The following CAND2 variants were observed in gnomAD, a reference collection of about 807,000 sequenced individuals.
The protein encoded by CAND2 is cullin-associated NEDD8-dissociated protein 2.
In CAND2, 62 loss-of-function variants were observed where a neutral mutation model predicts 98.9. That is an observed-to-expected ratio of 0.63 (90% CI 0.51 to 0.77). CAND2 has a LOEUF of 0.77. Ranked by LOEUF, CAND2 falls within the 30% of genes least tolerant of loss-of-function variation. The pLI is 0.00. For missense variants in CAND2, 1,501 were observed against 1,655.2 expected (o/e 0.91, Z 1.62); for synonymous variants, 770 against 731.9 (o/e 1.05, Z -0.84).
intron 4 of CAND2, among the ~76,000 whole-genome samples, chr3:12,808,746 G>C (rs1467796696): frequency 6.6e-6 from 1 of 152,186 alleles, no homozygotes; most frequent in Non-Finnish European, 1.5e-5. Context: ...TTCTAAAAGA[G>C]AGTGCTGCTA....
chr3:12,826,093 G>A (rs931103768), intron 12 of CAND2, among the ~76,000 whole-genome samples: 1 of 152,212 alleles, frequency 6.6e-6, no homozygotes, highest in African/African-American at 2.4e-5. Context: ...ATTACAGACA[G>A]CCCCCGCCTT....
chr3:12,821,916 ACT>A lies in CAND2; in HGVS notation c.3040+1738_3040+1739del, dbSNP rs768387549. The stretch of plus-strand genomic sequence containing the variant: ...CATGGTTTCTCTCCACTCTAAAATT[ACT>A]CTTTTTTTCCTTTGGAATGAATATG... On this transcript the variant is annotated intron_variant, in intron 11 of 14. Transcript: ENST00000456430. Among the ~76,000 whole-genome samples, 20 of 151,554 alleles carry A rather than the reference ACT, an allele frequency of 1.3e-4. 1 individual carries two copies. Among genetic ancestry groups the A allele is most frequent in the Admixed American group, 6.6e-4 (10 of 15,234 alleles).
At chr3:12,831,934 CCT>C (rs1044818255) in intron 14 of CAND2, among the ~76,000 whole-genome samples, 3 of 152,148 alleles carry the variant, frequency 2.0e-5, no homozygotes, top group African/African-American at 4.8e-5. Flanking sequence ...TCTCTCACCT[CCT>C]TGTTGGGAAG....
intron 1 of CAND2, among the ~76,000 whole-genome samples, chr3:12,801,876 G>T (rs1387141764): frequency 6.6e-6 from 1 of 152,334 alleles, no homozygotes; most frequent in African/African-American, 2.4e-5. Flanking sequence ...AAGCGCTGCT[G>T]GTGATTCTGA....
intron 4 of CAND2, among the ~76,000 whole-genome samples, chr3:12,809,395 A>AAG (rs1462452011): frequency 1.3e-5 from 2 of 152,190 alleles, no homozygotes; most frequent in African/African-American, 4.8e-5. Flanking sequence ...GAACAGGCAA[A>AAG]CAAATGAAAC....
intron 5 of CAND2, 131 bp downstream of exon 5, chr3:12,810,455 A>T: frequency 3.3e-6 from 1 of 304,642 alleles, no homozygotes; most frequent in Non-Finnish European, 4.6e-6. Flanking sequence ...CTGCCTTGGT[A>T]GGGAGGATGG....
intron 2 of CAND2, chr3:12,807,014 G>T (rs566795119): frequency 3.4e-6 from 1 of 295,160 alleles, no homozygotes; most frequent in Non-Finnish European, 6.3e-6. Flanking sequence ...GTTTAAACAA[G>T]CCCGCCAGGG....
At chr3:12,809,914 A>T in intron 4 of CAND2, 145 bp from the exon 5 acceptor site, 1 of 835,548 alleles carries the variant, frequency 1.2e-6, no homozygotes, top group South Asian at 2.4e-5. Flanking sequence ...ATTCCTCCTC[A>T]CAGTTGCAGG....
Position 12,825,475 on chromosome 3 carries a change from TTCATGGAG to T in CAND2, c.3047_3054del (p.Phe1016Ter), listed in dbSNP as rs1332585695. 1 of 1,553,592 alleles carries T rather than the reference TTCATGGAG, an allele frequency of 6.4e-7. No individual in the cohort carries two copies. Among genetic ancestry groups the T allele is most frequent in the South Asian group, 1.2e-5 (1 of 84,184 alleles). On this transcript the variant is annotated frameshift_variant, in exon 12 of 15. Transcript: ENST00000456430. LOFTEE classifies it high-confidence loss of function. ...CCCTCATGTTCTTCTGCCAGGAGAG[TTCATGGAG>T]AGCCTGCAGGACCCAGACCTGAACG... is the stretch of plus-strand genomic sequence containing the variant.
intron 1 of CAND2, among the ~76,000 whole-genome samples, chr3:12,799,014 C>G (rs9809596): frequency 0.55 from 82,896 of 151,960 alleles, 23,300 homozygotes; most frequent in African/African-American, 0.64. Context: ...AGGAGGTGCC[C>G]CATTACCACG....
chr3:12,812,907 G>A (rs1173031313), intron 5 of CAND2, 83 bp from the exon 6 acceptor site: 3 of 819,808 alleles, frequency 3.7e-6, no homozygotes, highest in Non-Finnish European at 6.1e-6. Flanking sequence ...GGCTGCAGGT[G>A]CATAGACAGT....
intron 13 of CAND2, among the ~76,000 whole-genome samples, chr3:12,829,745 G>A (rs1295673812): frequency 6.6e-6 from 1 of 152,186 alleles, no homozygotes; most frequent in Admixed American, 6.5e-5. Context: ...TCTCAAAGCT[G>A]TGGAGATGAG....
In CAND2 at chr3:12,815,656, C is replaced by T. The variant is rs998870481; in HGVS notation, c.1300-211C>T. Among the ~76,000 whole-genome samples, 7 of 152,146 alleles carry T rather than the reference C, an allele frequency of 4.6e-5. No individual in the cohort carries two copies. Among genetic ancestry groups the T allele is most frequent in the East Asian group, 1.9e-4 (1 of 5,194 alleles). On this transcript the variant is annotated intron_variant, in intron 8 of 14. Transcript: ENST00000456430. This position sits in a 1 kb window ranked among gnomAD's most constrained non-coding sequence, Gnocchi z 5.7. ...GAGCAAGTTGCTTGGTCTCTCTGTA[C>T]CTGTAAAATGGACGCAGAAAATTTG...
At chr3:12,828,601 C>T (rs919273030) in intron 13 of CAND2, among the ~76,000 whole-genome samples, 2 of 152,130 alleles carry the variant, frequency 1.3e-5, no homozygotes, top group Non-Finnish European at 2.9e-5. Flanking sequence ...CCTGGCCTCC[C>T]AAAGTGCTGG....
chr3:12,833,390 G>C (rs1380733594), intron 14 of CAND2, among the ~76,000 whole-genome samples: 2 of 152,148 alleles, frequency 1.3e-5, no homozygotes, highest in Admixed American at 6.5e-5. Context: ...GCTAAGAGCT[G>C]GTTTTAAGCA....
chr3:12,811,612 C>T (rs2061852234), intron 5 of CAND2, among the ~76,000 whole-genome samples: 1 of 152,204 alleles, frequency 6.6e-6, no homozygotes, highest in Admixed American at 6.5e-5. Context: ...CGCTCTGTTG[C>T]CCAGGCTGGA....
chr3:12,821,456 T>C (rs960884366), intron 11 of CAND2, among the ~76,000 whole-genome samples: 4 of 152,154 alleles, frequency 2.6e-5, no homozygotes, highest in Non-Finnish European at 5.9e-5. Context: ...GGGCCTGTTA[T>C]GTGGGACCAA....
chr3:12,805,126 A>T (rs2061796369), intron 2 of CAND2, among the ~76,000 whole-genome samples: 1 of 152,202 alleles, frequency 6.6e-6, no homozygotes. Flanking sequence ...GTTTCCATGT[A>T]TGCGTGCTTG....
Position 12,820,108 on chromosome 3 carries a change from C to G in CAND2, c.2967C>G (p.Thr989=). 1.2e-6 allele frequency: 2 copies of G among 1,614,130 alleles called. No homozygotes were observed. Among genetic ancestry groups the G allele is most frequent in the Non-Finnish European group, 1.7e-6 (2 of 1,180,000 alleles). The change falls in exon 11 of 15, where the codon ACC becomes ACG. Residue 989 remains threonine (T), a synonymous_variant. Transcript: ENST00000456430. ...LAAGRPHTRS[T]VITAVKFLIS... The stretch of plus-strand genomic sequence containing the variant: ...CAGGTCGGCCACACACCCGGAGCAC[C>G]GTCATCACAGCGGTCAAGTTCCTTA...
Sources: allele counts gnomAD v4.1 joint callset (sites outside exome capture counted in the v4.1 genomes callset), GRCh38; gene constraint gnomAD v4.1.1; non-coding constraint Gnocchi (gnomAD v3.1); transcripts MANE v1.5; gene names NCBI Gene and HGNC (gene_info 2026-07-23, HGNC 2026-07-21).